Variants in KRT35 observed in about 807,000 individuals in gnomAD.
KRT35 encodes the protein keratin 35.
In KRT35, 33 loss-of-function variants were observed where a neutral mutation model predicts 42.2. That is an observed-to-expected ratio of 0.78 (90% CI 0.59 to 1.05). KRT35 has a LOEUF of 1.05. Among genes scored for constraint, KRT35 ranks in the 50% least tolerant of loss-of-function variants. The pLI, the probability that KRT35 is intolerant of heterozygous loss-of-function variation, is 0.00. For missense variants in KRT35, 585 were observed against 589.2 expected (o/e 0.99, Z 0.07); for synonymous variants, 218 against 238.2 (o/e 0.92, Z 0.78).
rs370362306 is a variant in KRT35, at chr17:41,479,447, C to A, written c.611G>T (p.Arg204Leu). 1 of 1,614,070 alleles carries A rather than the reference C, an allele frequency of 6.2e-7. No homozygotes were observed. The highest frequency in any genetic ancestry group is 1.3e-5 in the African/African-American group (1 of 74,926). Residue 204 changes from arginine to leucine, a missense_variant, in exon 3 of 7, where the codon CGC (arginine) becomes CTC (leucine). Coordinates refer to ENST00000246639, the MANE Select transcript of KRT35 (RefSeq NM_002280.6). ...QLVESDINGL[R>L]RILDDLTLCK... ...CAGGGTCAGGTCATCCAGGATCCTGCGCAGGCCGTTGATGTCTGACTCCAC... is the reference window on the plus strand; with the variant it reads ...CAGGGTCAGGTCATCCAGGATCCTGAGCAGGCCGTTGATGTCTGACTCCAC...
At position 41,479,508 on chromosome 17, in the gene KRT35, A is replaced by G. The variant is rs1298506343; in HGVS notation, c.555-5T>C. 2 of 1,613,216 alleles carry G rather than the reference A, an allele frequency of 1.2e-6. No individual in the cohort carries two copies. Among genetic ancestry groups the G allele is most frequent in the Non-Finnish European group, 1.7e-6 (2 of 1,179,484 alleles). On this transcript the variant is annotated splice_polypyrimidine_tract_variant and splice_region_variant and intron_variant, in intron 2 of 6. Coordinates refer to ENST00000246639, the MANE Select transcript of KRT35 (RefSeq NM_002280.6). The stretch of plus-strand genomic sequence containing the variant: ...AGGGACACCTCCGTCTCATACCTGC[A>G]GGCATAGAACAGGGCACCTGAGTCT...
chr17:41,480,490 G>A, intron 1 of KRT35, 137 bp downstream of exon 1: 4 of 682,590 alleles, frequency 5.9e-6, no homozygotes, highest in South Asian at 1.8e-5. Context: ...CCCTCTTAAG[G>A]TTATTGGGAG....
chr17:41,480,726 G>A lies in KRT35; in HGVS notation c.372C>T (p.Ser124=). 1.2e-6 allele frequency: 2 copies of A among 1,614,208 alleles called. No homozygotes were observed. Among genetic ancestry groups the A allele is most frequent in the African/African-American group, 1.3e-5 (1 of 75,050 alleles). Reference sequence around the variant, plus strand: ...ACCACTCACGGATGCGGCTCTCCAGGCTGGCGTTCTCCTGCTCCAGCTGAC... The same window carrying A: ...ACCACTCACGGATGCGGCTCTCCAGACTGGCGTTCTCCTGCTCCAGCTGAC... ...KVRQLEQENA[S]LESRIREWCE... is the part of the protein sequence containing the mutation. Residue 124 remains serine (S), a synonymous_variant, in exon 1 of 7, where the codon AGC becomes AGT. Transcript: ENST00000246639.
At chr17:41,479,286 T>A in intron 3 of KRT35, 61 bp downstream of exon 3, 2 of 1,538,718 alleles carry the variant, frequency 1.3e-6, no homozygotes, top group Non-Finnish European at 1.8e-6. Flanking sequence ...CTCCTCCCCA[T>A]GTTCACCTCC....
intron 2 of KRT35, 83 bp downstream of exon 2, chr17:41,479,616 A>G: frequency 6.4e-7 from 1 of 1,563,768 alleles, no homozygotes. Flanking sequence ...CCAATGACAG[A>G]GTACAGCCAA....
intron 2 of KRT35, 70 bp downstream of exon 2, chr17:41,479,629 C>T: frequency 6.4e-7 from 1 of 1,571,620 alleles, no homozygotes; most frequent in South Asian, 1.1e-5. Context: ...ACAGCCAAAA[C>T]CCTGAGCTCA....
chr17:41,477,138 G>A lies in KRT35; in HGVS notation c.1286C>T (p.Ala429Val), dbSNP rs369127524. ...GGCTGCACTAGGACCGCAGGAGGCC[G>A]CAGGAAGACAGGGAAGGCATGACTT... ...PSKSCLPCLP[A>V]ASCGPSAART... The change falls in exon 7 of 7, where the codon GCG becomes GTG. Residue 429 changes from alanine (A) to valine (V), a missense_variant. Ala to Val is a moderately conservative substitution (Grantham distance 64). Transcript: ENST00000246639. 2.2e-5 allele frequency: 35 copies of A among 1,613,410 alleles called. No individual in the cohort carries two copies. The highest frequency in any genetic ancestry group is 1.3e-4 in the East Asian group (6 of 44,876).
intron 3 of KRT35, among the ~76,000 whole-genome samples, 158 bp from the exon 4 acceptor site, chr17:41,479,153 C>T (rs1224168152): frequency 1.3e-5 from 2 of 151,212 alleles, no homozygotes; most frequent in Admixed American, 1.3e-4. Context: ...CCATGCTCAC[C>T]TCCTCTGCAT....
Position 41,476,884 on chromosome 17 carries a change from G to C in KRT35, c.*172C>G. The stretch of plus-strand genomic sequence containing the variant: ...AGACCTTTGGGGGCAGCCGGCCTTT[G>C]TGACAGGCTCTGAGAAACTTTAGGG... On this transcript the variant is annotated 3_prime_UTR_variant, in exon 7 of 7. Transcript: ENST00000246639. 2 of 612,986 alleles carry C rather than the reference G, an allele frequency of 3.3e-6. No individual in the cohort carries two copies. Among genetic ancestry groups the C allele is most frequent in the Non-Finnish European group, 2.7e-6 (1 of 373,410 alleles). The allele number at this position is 612,986 out of a possible 1,614,324, so 38.0% of individuals were successfully genotyped here.
In KRT35 at chr17:41,479,381, TC is replaced by T. The variant is rs754766259; in HGVS notation, c.676del (p.Glu226ArgfsTer6). ...GTTCTTCTTCAGGCAGAGCAGCTCC[TC>T]CTTCAGGGACTCCACCTGGGCCTCC... ...DLEAQVESLK[E>X]ELLCLKKNHE... On this transcript the variant is annotated frameshift_variant, in exon 3 of 7. Coordinates refer to ENST00000246639, the MANE Select transcript of KRT35 (RefSeq NM_002280.6). LOFTEE classifies it high-confidence loss of function. The T allele has an allele frequency of 7.4e-6, 12 of 1,613,882 alleles. No individual in the cohort carries two copies. The highest frequency in any genetic ancestry group is 1.3e-5 in the African/African-American group (1 of 74,854).
Position 41,478,395 on chromosome 17 carries a change from G to T in KRT35, c.965C>A (p.Ala322Asp), listed in dbSNP as rs1435886410. 8 of 1,613,844 alleles carry T rather than the reference G, an allele frequency of 5.0e-6. No individual in the cohort carries two copies. The highest frequency in any genetic ancestry group is 3.3e-5 in the Admixed American group (2 of 59,998). ...CTGAGCCTGCAGCTCAATCTCCAGG[G>T]CGTTGACCGTGCGTCTCAGCTCGAT... Reference protein sequence around the residue: ...EIIELRRTVNALEIELQAQHS... With the variant: ...EIIELRRTVNDLEIELQAQHS... Residue 322 changes from alanine (A) to aspartate (D), a missense_variant, in exon 5 of 7, where the codon GCC becomes GAC. Coordinates refer to ENST00000246639, the MANE Select transcript of KRT35 (RefSeq NM_002280.6).
At position 41,476,954 on chromosome 17, in the gene KRT35, C is replaced by T. The variant is rs1451248586; in HGVS notation, c.*102G>A. 1 of 1,186,372 alleles carries T rather than the reference C, an allele frequency of 8.4e-7. No homozygotes were observed. The highest frequency in any genetic ancestry group is 1.6e-5 in the African/African-American group (1 of 63,828). 73.5% of individuals were successfully genotyped at this position (1,186,372 alleles called of 1,614,324 possible). A position where few individuals can be genotyped will look rare whatever the true frequency, so the allele number is the denominator to read the frequency against. Reference sequence around the variant, plus strand: ...TTTTCAGCCAGACCCTGGGCCTGGGCTCTGCGCGAAGAGAGGGGATTGGGC... The same window carrying T: ...TTTTCAGCCAGACCCTGGGCCTGGGTTCTGCGCGAAGAGAGGGGATTGGGC... On this transcript the variant is annotated 3_prime_UTR_variant, in exon 7 of 7. Transcript: ENST00000246639.
chr17:41,480,720 C>G lies in KRT35; in HGVS notation c.378G>C (p.Glu126Asp). 1 of 1,614,220 alleles carries G rather than the reference C, an allele frequency of 6.2e-7. No homozygotes were observed. The highest frequency in any genetic ancestry group is 8.5e-7 in the Non-Finnish European group (1 of 1,180,042). ...RQLEQENASL[E>D]SRIREWCEQQ... ...GCTCACACCACTCACGGATGCGGCT[C>G]TCCAGGCTGGCGTTCTCCTGCTCCA... is the stretch of plus-strand genomic sequence containing the variant. The change falls in exon 1 of 7, where the codon GAG becomes GAC. Residue 126 changes from glutamate (E) to aspartate (D), a missense_variant. Coordinates refer to ENST00000246639, the MANE Select transcript of KRT35 (RefSeq NM_002280.6).
intron 3 of KRT35, 111 bp downstream of exon 3, chr17:41,479,236 G>A (rs1001644174): frequency 8.0e-7 from 1 of 1,250,086 alleles, no homozygotes; most frequent in Non-Finnish European, 1.1e-6. Context: ...GCTCCCTCAT[G>A]TTCACCTCCC....
At position 41,478,902 on chromosome 17, in the gene KRT35, T is replaced by C; in HGVS notation, c.805A>G (p.Met269Val). 1.2e-6 allele frequency: 2 copies of C among 1,613,876 alleles called. No homozygotes were observed. Among genetic ancestry groups the C allele is most frequent in the Non-Finnish European group, 1.7e-6 (2 of 1,179,950 alleles). ...ACCAGGGTTTCATACTGGCACCTCA[T>C]CTCCTCCAGAACTCGGTTCAGGTCA... ...PVDLNRVLEEMRCQYETLVEN... is the reference protein window; with the variant it reads ...PVDLNRVLEEVRCQYETLVEN... The change falls in exon 4 of 7, where the codon ATG becomes GTG. Residue 269 changes from methionine to valine, a missense_variant. Met to Val is a conservative substitution (Grantham distance 21). Transcript: ENST00000246639.
intron 2 of KRT35, 21 bp from the exon 3 acceptor site, chr17:41,479,524 A>C: frequency 6.2e-7 from 1 of 1,608,912 alleles, no homozygotes; most frequent in East Asian, 2.2e-5. Flanking sequence ...AGAACAGGGC[A>C]CCTGAGTCTG....
intron 3 of KRT35, 118 bp downstream of exon 3, chr17:41,479,229 C>T (rs907394294): frequency 3.3e-6 from 4 of 1,194,486 alleles, no homozygotes; most frequent in East Asian, 2.5e-5. Flanking sequence ...CACACCTGCT[C>T]CCTCATGTTC....
rs771415748 is a variant in KRT35, at chr17:41,478,940, G to A, written c.767C>T (p.Ala256Val). ...TCGGTTCAGGTCAACAGGTGGGGCA[G>A]CGTCCACCTCAACATTGAGGCGGTC... ...LGDRLNVEVDAAPPVDLNRVL... is the reference protein window; with the variant it reads ...LGDRLNVEVDVAPPVDLNRVL... The change falls in exon 4 of 7, where the codon GCT becomes GTT. Residue 256 changes from alanine (A) to valine (V), a missense_variant. Coordinates refer to ENST00000246639, the MANE Select transcript of KRT35 (RefSeq NM_002280.6). The A allele has an allele frequency of 1.3e-5, 21 of 1,613,914 alleles. No individual in the cohort carries two copies. Among genetic ancestry groups the A allele is most frequent in the Non-Finnish European group, 1.5e-5 (18 of 1,179,956 alleles).
chr17:41,479,610 T>C (rs921769248), intron 2 of KRT35, 89 bp downstream of exon 2: 7 of 1,566,100 alleles, frequency 4.5e-6, no homozygotes, highest in African/African-American at 4.1e-5. Flanking sequence ...TATGCCCCAA[T>C]GACAGAGTAC....
Sources: gnomAD v4.1 joint callset for allele counts (sites outside exome capture counted in the v4.1 genomes callset) on GRCh38, gnomAD v4.1.1 for gene constraint, MANE v1.5 for transcripts, NCBI Gene and HGNC (gene_info 2026-07-23, HGNC 2026-07-21) for gene names.